Variants in CTNNA3 observed in about 807,000 individuals in gnomAD.
CTNNA3 encodes catenin alpha 3.
A neutral mutation model predicts 95.7 loss-of-function variants in CTNNA3; 76 were observed. The ratio of observed to expected loss-of-function variants is 0.79; its 90% CI spans 0.66 to 0.96. CTNNA3 has a LOEUF of 0.96. Among genes scored for constraint, CTNNA3 ranks in the 40% least tolerant of loss-of-function variants. The pLI, the probability that CTNNA3 is intolerant of heterozygous loss-of-function variation, is 0.00. For missense variants in CTNNA3, 1,191 were observed against 1,089.8 expected (o/e 1.09, Z -1.31); for synonymous variants, 431 against 374.4 (o/e 1.15, Z -1.74).
At chr10:66,489,029 T>C (rs1839831222) in intron 11 of CTNNA3, among the ~76,000 whole-genome samples, 1 of 152,052 alleles carries the variant, frequency 6.6e-6, no homozygotes, top group South Asian at 2.1e-4. Context: ...GTCATTGTGG[T>C]TTATCCAGGA....
intron 5 of CTNNA3, among the ~76,000 whole-genome samples, chr10:67,450,081 C>G (rs1229845798): frequency 6.6e-6 from 1 of 152,020 alleles, no homozygotes; most frequent in Non-Finnish European, 1.5e-5. Flanking sequence ...AAATGCAAAT[C>G]AAAACCACAA....
Position 67,287,432 on chromosome 10 carries a change from T to C in CTNNA3, c.580-67562A>G, listed in dbSNP as rs569827225. Among the ~76,000 whole-genome samples, 7 of 152,314 alleles carry C rather than the reference T, an allele frequency of 4.6e-5. No individual in the cohort carries two copies. In the East Asian group the frequency reaches 1.4e-3, roughly 29 times the overall value. ...GTCAATGGTTTTGCCATCACTTTCG[T>C]GCAAATATTTTCTAAATATCTTTGC... On this transcript the variant is annotated intron_variant, in intron 5 of 17. Coordinates refer to ENST00000433211, the MANE Select transcript of CTNNA3 (RefSeq NM_013266.4).
At chr10:65,989,588 A>C (rs1019754798) in intron 15 of CTNNA3, among the ~76,000 whole-genome samples, 2 of 148,738 alleles carry the variant, frequency 1.3e-5, no homozygotes, top group Admixed American at 6.8e-5. Flanking sequence ...AAATTTATTG[A>C]TGGTAAAATT....
At chr10:67,713,969 T>C (rs558522179) in intron 1 of CTNNA3, among the ~76,000 whole-genome samples, 2 of 151,622 alleles carry the variant, frequency 1.3e-5, no homozygotes, top group South Asian at 2.1e-4. Context: ...AAAAAAAGAA[T>C]TGAGGTTTGG....
chr10:66,361,522 ATCTT>A (rs1268157604), intron 12 of CTNNA3, among the ~76,000 whole-genome samples: 2 of 113,898 alleles, frequency 1.8e-5, no homozygotes, highest in African/African-American at 6.8e-5. Flanking sequence ...CTCTCTCTGC[ATCTT>A]TCTCTCTTTC....
intron 16 of CTNNA3, among the ~76,000 whole-genome samples, chr10:65,976,054 A>C (rs986986064): frequency 1.3e-5 from 2 of 152,130 alleles, no homozygotes; most frequent in African/African-American, 4.8e-5. Context: ...AGTGAAGGAG[A>C]ATATTGACAA....
At chr10:66,291,259 T>C (rs562437380) in intron 12 of CTNNA3, among the ~76,000 whole-genome samples, 1 of 152,286 alleles carries the variant, frequency 6.6e-6, no homozygotes, top group African/African-American at 2.4e-5. Flanking sequence ...GTGCAAACAG[T>C]AAATTCATTG....
intron 2 of CTNNA3, among the ~76,000 whole-genome samples, chr10:67,641,523 T>C (rs867492381): frequency 3.9e-5 from 6 of 152,160 alleles, no homozygotes; most frequent in African/African-American, 1.4e-4. Flanking sequence ...ACCCAAAGGA[T>C]TATAAATCAT....
At chr10:66,361,640 G>A (rs1222337310) in intron 12 of CTNNA3, among the ~76,000 whole-genome samples, 1 of 151,200 alleles carries the variant, frequency 6.6e-6, no homozygotes, top group Non-Finnish European at 1.5e-5. Flanking sequence ...TGGGCTCAAG[G>A]GATCTTCCTA....
chr10:66,613,219 A>G (rs931351621), intron 10 of CTNNA3, among the ~76,000 whole-genome samples: 2 of 152,002 alleles, frequency 1.3e-5, no homozygotes, highest in African/African-American at 2.4e-5. Flanking sequence ...TTCCCACTTG[A>G]GTTTGATGGC....
chr10:67,231,049 T>C lies in CTNNA3; in HGVS notation c.580-11179A>G, dbSNP rs559603427. ...ACGCCCACCGAGTCTCGCTGATTGC[T>C]AGCACAGCAGTCTGAGATCAAACTG... On this transcript the variant is annotated intron_variant, in intron 5 of 17. Transcript: ENST00000433211. 3.3e-5 allele frequency among the ~76,000 whole-genome samples: 5 copies of C among 152,066 alleles called. No homozygotes were observed. The South Asian group carries it at 1.0e-3, about 32-fold the overall frequency.
At chr10:66,672,678 T>C (rs1589105158) in intron 9 of CTNNA3, among the ~76,000 whole-genome samples, 2 of 152,230 alleles carry the variant, frequency 1.3e-5, no homozygotes, top group South Asian at 4.1e-4. Context: ...ATTACCTCTT[T>C]ACTTCCACAT....
intron 13 of CTNNA3, among the ~76,000 whole-genome samples, chr10:66,264,010 T>C (rs916023359): frequency 6.6e-6 from 1 of 151,976 alleles, no homozygotes; most frequent in Non-Finnish European, 1.5e-5. Flanking sequence ...ATTCTAAATG[T>C]GTTTGCTTCT....
chr10:67,623,219 A>G (rs1018744275), intron 2 of CTNNA3, among the ~76,000 whole-genome samples: 15 of 152,232 alleles, frequency 9.9e-5, no homozygotes, highest in African/African-American at 3.6e-4. Flanking sequence ...AACCACAAAC[A>G]AAACTTGAAC....
chr10:66,392,609 T>C (rs573637289), intron 11 of CTNNA3, among the ~76,000 whole-genome samples: 1 of 152,056 alleles, frequency 6.6e-6, no homozygotes, highest in African/African-American at 2.4e-5. Flanking sequence ...ACCAAAGACA[T>C]ACAGATGACA....
rs142457417 is a variant in CTNNA3, at chr10:67,671,179, C to T, written c.-5-23661G>A. Among the ~76,000 whole-genome samples the T allele has an allele frequency of 8.7e-3, 1,329 of 152,194 alleles. 20 individuals are homozygous for T. The highest frequency in any genetic ancestry group is 0.03 in the African/African-American group (1,261 of 41,528). On this transcript the variant is annotated intron_variant, in intron 1 of 17. Coordinates refer to ENST00000433211, the MANE Select transcript of CTNNA3 (RefSeq NM_013266.4). ...AATTCTGGCCAATGAGACGGTAAAGCTTTTGCTTTCCCTATCAAAAGGACA... is the reference window on the plus strand; with the variant it reads ...AATTCTGGCCAATGAGACGGTAAAGTTTTTGCTTTCCCTATCAAAAGGACA...
At chr10:67,512,426 T>C (rs150147689) in intron 5 of CTNNA3, among the ~76,000 whole-genome samples, 32 of 152,298 alleles carry the variant, frequency 2.1e-4, no homozygotes, top group African/African-American at 7.0e-4. Context: ...TTTGAAGAGG[T>C]ATCTGCACTC....
At chr10:67,644,789 G>A (rs1359518344) in intron 2 of CTNNA3, among the ~76,000 whole-genome samples, 3 of 148,624 alleles carry the variant, frequency 2.0e-5, no homozygotes, top group Non-Finnish European at 4.4e-5. Context: ...TATCACTTGA[G>A]TATTGCTAAG....
chr10:67,689,523 A>C (rs1216427804), intron 1 of CTNNA3, among the ~76,000 whole-genome samples: 2 of 152,088 alleles, frequency 1.3e-5, no homozygotes, highest in African/African-American at 4.8e-5. Flanking sequence ...GGCGAGAGGA[A>C]GTTTGTCTGA....
Sources: allele counts gnomAD v4.1 joint callset (sites outside exome capture counted in the v4.1 genomes callset), GRCh38; gene constraint gnomAD v4.1.1; transcripts MANE v1.5; gene names NCBI Gene and HGNC (gene_info 2026-07-23, HGNC 2026-07-21).